PTPRG: variants seen among roughly 807,000 people sequenced by gnomAD.
PTPRG encodes protein tyrosine phosphatase receptor type G.
PTPRG carries 102 observed loss-of-function variants against 165.3 expected under a neutral mutation model. The observed-to-expected ratio is 0.62, with a 90% confidence interval of 0.53 to 0.73. The LOEUF (loss-of-function observed/expected upper bound fraction) is 0.73, where lower values mean the gene tolerates loss of function less well. Ranked by LOEUF, PTPRG falls within the 30% of genes least tolerant of loss-of-function variation. The probability of loss-of-function intolerance (pLI) is 0.00; values close to 1 mark genes in which losing one functional copy is unlikely to be tolerated. For missense variants in PTPRG, 1,866 were observed against 1,861.4 expected (o/e 1.00, Z -0.05); for synonymous variants, 675 against 669.5 (o/e 1.01, Z -0.13).
At chr3:61,596,829 A>C (rs547484782) in intron 1 of PTPRG, among the ~76,000 whole-genome samples, 2 of 152,284 alleles carry the variant, frequency 1.3e-5, no homozygotes, top group East Asian at 3.9e-4. Flanking sequence ...AGTGAGACAG[A>C]ATTACTTTTT....
intron 8 of PTPRG, among the ~76,000 whole-genome samples, chr3:62,175,221 G>A (rs1394411768): frequency 6.6e-6 from 1 of 152,190 alleles, no homozygotes; most frequent in Non-Finnish European, 1.5e-5. Context: ...TGTATCAATT[G>A]TTGTAGCTAG....
At chr3:61,922,694 A>G (rs1441150421) in intron 2 of PTPRG, among the ~76,000 whole-genome samples, 1 of 152,216 alleles carries the variant, frequency 6.6e-6, no homozygotes, top group Non-Finnish European at 1.5e-5. Flanking sequence ...AGGCCGGAGT[A>G]CATTGGTGTG....
At chr3:62,158,363 A>T (rs1214772508) in intron 7 of PTPRG, among the ~76,000 whole-genome samples, 1 of 152,216 alleles carries the variant, frequency 6.6e-6, no homozygotes, top group Non-Finnish European at 1.5e-5. Flanking sequence ...ATTTGTAAGA[A>T]AGTGGATTTG....
chr3:61,766,268 G>T (rs891116496), intron 2 of PTPRG, among the ~76,000 whole-genome samples: 2 of 152,120 alleles, frequency 1.3e-5, no homozygotes, highest in African/African-American at 4.8e-5. Context: ...AATTGGAGAA[G>T]GTCATGTGAA....
intron 1 of PTPRG, among the ~76,000 whole-genome samples, chr3:61,599,753 C>G (rs1302744957): frequency 6.6e-6 from 1 of 152,040 alleles, no homozygotes. Flanking sequence ...CTTGGCCTCC[C>G]AAAGTGCTAG....
rs1245846011 is a variant in PTPRG, at chr3:62,240,690, G to C, written c.2376-3117G>C. On this transcript the variant is annotated intron_variant, in intron 14 of 29. Transcript: ENST00000474889. This position sits in a 1 kb window ranked among gnomAD's most constrained non-coding sequence, Gnocchi z 5.1. ...TGGCTTCCTTCCAGTTTCCTAAAATGCACCAAGCTCCCTCTGCTCTAAGGC... is the reference window on the plus strand; with the variant it reads ...TGGCTTCCTTCCAGTTTCCTAAAATCCACCAAGCTCCCTCTGCTCTAAGGC... Among the ~76,000 whole-genome samples the C allele has an allele frequency of 6.6e-6, 1 of 152,100 alleles. No homozygotes were observed. Among genetic ancestry groups the C allele is most frequent in the East Asian group, 1.9e-4 (1 of 5,182 alleles).
intron 28 of PTPRG, 139 bp from the exon 29 acceptor site, chr3:62,292,282 A>G: frequency 1.0e-6 from 1 of 968,708 alleles, no homozygotes; most frequent in Non-Finnish European, 1.5e-6. Context: ...CCCCACCAGC[A>G]TTTCATTCAG....
At chr3:61,977,123 A>G (rs79382036) in intron 2 of PTPRG, among the ~76,000 whole-genome samples, 6,283 of 152,118 alleles carry the variant, frequency 0.041, 230 homozygotes, top group East Asian at 0.18. Flanking sequence ...GATAGATTGT[A>G]TATCTGATTA....
chr3:61,799,957 G>T (rs1018445290), intron 2 of PTPRG, among the ~76,000 whole-genome samples: 2 of 152,152 alleles, frequency 1.3e-5, no homozygotes, highest in Non-Finnish European at 2.9e-5. Context: ...GCCAGACTAG[G>T]GTGGGTGTGA....
At chr3:62,033,693 A>C (rs1338385434) in intron 4 of PTPRG, among the ~76,000 whole-genome samples, 1 of 152,130 alleles carries the variant, frequency 6.6e-6, no homozygotes, top group Admixed American at 6.5e-5. Context: ...GTGGATGCAA[A>C]TTACAGAGGG....
At chr3:61,589,423 A>G (rs143935934) in intron 1 of PTPRG, among the ~76,000 whole-genome samples, 1 of 152,168 alleles carries the variant, frequency 6.6e-6, no homozygotes, top group Non-Finnish European at 1.5e-5. Flanking sequence ...AACCCATGAG[A>G]TACAAGGGTC....
At chr3:61,714,109 T>G (rs144823813) in intron 1 of PTPRG, among the ~76,000 whole-genome samples, 6 of 152,326 alleles carry the variant, frequency 3.9e-5, no homozygotes, top group Non-Finnish European at 8.8e-5. Flanking sequence ...TCTATGACTA[T>G]TAATATATTT....
At chr3:61,750,213 G>T (rs995054069) in intron 2 of PTPRG, 4 of 152,120 alleles carry the variant, frequency 2.6e-5, no homozygotes, top group African/African-American at 9.7e-5. Flanking sequence ...CATATATATA[G>T]CATCTTGCCA....
At position 62,064,908 on chromosome 3, in the gene PTPRG, T is replaced by C. The variant is rs116136456; in HGVS notation, c.520-13255T>C. Among the ~76,000 whole-genome samples, 1,506 of 152,022 alleles carry C rather than the reference T, an allele frequency of 9.9e-3. 17 individuals carry two copies. Among genetic ancestry groups the C allele is most frequent in the African/African-American group, 0.034 (1,421 of 41,480 alleles). On this transcript the variant is annotated intron_variant, in intron 4 of 29. Transcript: ENST00000474889. ...CACCACGCCAAGCTAATTTTTTGTA[T>C]TTTTTAGTAAAGATGGGCTTTCACC... is the stretch of plus-strand genomic sequence containing the variant.
intron 8 of PTPRG, among the ~76,000 whole-genome samples, chr3:62,173,738 C>G (rs1253889076): frequency 1.3e-5 from 2 of 150,410 alleles, no homozygotes; most frequent in East Asian, 4.4e-4. Flanking sequence ...ATATAGCTCC[C>G]CGCCTCCTCT....
chr3:61,990,386 C>T (rs559354416), intron 3 of PTPRG, among the ~76,000 whole-genome samples: 11 of 152,236 alleles, frequency 7.2e-5, no homozygotes, highest in Non-Finnish European at 1.5e-4. Context: ...TTATTACTTC[C>T]GAGTACAGAT....
chr3:61,602,405 A>T (rs1333641888), intron 1 of PTPRG, among the ~76,000 whole-genome samples: 1 of 152,136 alleles, frequency 6.6e-6, no homozygotes, highest in Non-Finnish European at 1.5e-5. Flanking sequence ...TCACGGTGGG[A>T]CCAGTCAAGT....
At chr3:61,734,961 T>C (rs993039227) in intron 1 of PTPRG, among the ~76,000 whole-genome samples, 2 of 152,200 alleles carry the variant, frequency 1.3e-5, no homozygotes, top group African/African-American at 2.4e-5. Flanking sequence ...ATGGATCTTA[T>C]AGCATAATTG....
intron 1 of PTPRG, among the ~76,000 whole-genome samples, chr3:61,613,395 C>T (rs1701226651): frequency 6.6e-6 from 1 of 152,150 alleles, no homozygotes; most frequent in Non-Finnish European, 1.5e-5. Flanking sequence ...GCTCAATCAG[C>T]TCTTTGAAGA....
Sources: gnomAD v4.1 joint callset for allele counts (sites outside exome capture counted in the v4.1 genomes callset) on GRCh38, gnomAD v4.1.1 for gene constraint, Gnocchi (gnomAD v3.1) non-coding constraint, MANE v1.5 for transcripts, NCBI Gene and HGNC (gene_info 2026-07-23, HGNC 2026-07-21) for gene names.